Variants in SLC26A7 observed in about 807,000 individuals in gnomAD.
The protein encoded by SLC26A7 is solute carrier family 26 member 7.
A neutral mutation model predicts 82.5 loss-of-function variants in SLC26A7; 59 were observed. The ratio of observed to expected loss-of-function variants is 0.72; its 90% confidence interval spans 0.58 to 0.89. The LOEUF (loss-of-function observed/expected upper bound fraction) is 0.89. Ranked by LOEUF, SLC26A7 falls within the 40% of genes least tolerant of loss-of-function variation. The pLI is 0.00. For missense variants in SLC26A7, 820 were observed against 793.0 expected (o/e 1.03, Z -0.41); for synonymous variants, 271 against 274.3 (o/e 0.99, Z 0.12).
chr8:91,395,053 G>T lies in SLC26A7; in HGVS notation c.1936-9G>T, dbSNP rs1456616610. 10 of 1,613,050 alleles carry T rather than the reference G, an allele frequency of 6.2e-6. No individual in the cohort carries two copies. The East Asian group carries it at 1.8e-4, about 29-fold the overall frequency. On this transcript the variant is annotated splice_polypyrimidine_tract_variant and intron_variant, in intron 18 of 18. Transcript: ENST00000276609. ...TAGCACATACTTACTTCTTCCTCTG[G>T]TATTTCAGAATTTGAGCAAACTCAG...
chr8:91,267,217 G>A (rs1811137987), intron 2 of SLC26A7, among the ~76,000 whole-genome samples: 1 of 151,510 alleles, frequency 6.6e-6, no homozygotes, highest in African/African-American at 2.4e-5. Flanking sequence ...TCTTTTTGTT[G>A]TTGTTGTTGT....
intron 6 of SLC26A7, among the ~76,000 whole-genome samples, chr8:91,335,001 C>T (rs954727641): frequency 5.3e-5 from 8 of 152,054 alleles, no homozygotes; most frequent in African/African-American, 1.7e-4. Context: ...ACATTTTGCT[C>T]CTAAGGCTTG....
At position 91,338,233 on chromosome 8, in the gene SLC26A7, G is replaced by A. The variant is rs759501769; in HGVS notation, c.878+1G>A. The stretch of plus-strand genomic sequence containing the variant: ...AAGTAGTTGGTCATATTCCACAAGG[G>A]TAATGTAGTCCTTTTTAAAAACATA... On this transcript the variant is annotated splice_donor_variant, in intron 7 of 18. Coordinates refer to ENST00000276609, the MANE Select transcript of SLC26A7 (RefSeq NM_052832.4). LOFTEE classifies it high-confidence loss of function. 1.3e-6 allele frequency: 2 copies of A among 1,593,404 alleles called. No homozygotes were observed. Among genetic ancestry groups the A allele is most frequent in the Admixed American group, 1.8e-5 (1 of 56,342 alleles).
intron 15 of SLC26A7, among the ~76,000 whole-genome samples, chr8:91,379,224 A>G (rs77246546): frequency 0.012 from 1,793 of 152,216 alleles, 42 homozygotes; most frequent in African/African-American, 0.041. Flanking sequence ...AATACTTGAT[A>G]TCAAAAAGCA....
chr8:91,233,610 G>A (rs1031722868), intron 2 of SLC26A7, among the ~76,000 whole-genome samples: 4 of 151,758 alleles, frequency 2.6e-5, no homozygotes, highest in Non-Finnish European at 5.9e-5. Context: ...AAAAGAAAAA[G>A]AAAACGTAGG....
intron 9 of SLC26A7, among the ~76,000 whole-genome samples, chr8:91,345,889 G>T (rs74972926): frequency 0.028 from 4,296 of 152,166 alleles, 57 homozygotes; most frequent in African/African-American, 0.035. Flanking sequence ...AATAATTTGA[G>T]AAAGATTATA....
intron 5 of SLC26A7, among the ~76,000 whole-genome samples, chr8:91,319,902 T>C (rs6994713): frequency 1.3e-5 from 2 of 152,320 alleles, no homozygotes; most frequent in South Asian, 2.1e-4. Context: ...AGAATGACAT[T>C]GGTCTTTCAG....
At chr8:91,212,494 CATTT>C (rs1271505383) in intron 1 of SLC26A7, among the ~76,000 whole-genome samples, 1 of 152,142 alleles carries the variant, frequency 6.6e-6, no homozygotes, top group African/African-American at 2.4e-5. Context: ...TGAAAACGTT[CATTT>C]ACTTTATGAA....
At chr8:91,279,685 T>G (rs568520467) in intron 2 of SLC26A7, among the ~76,000 whole-genome samples, 3 of 152,028 alleles carry the variant, frequency 2.0e-5, no homozygotes, top group Non-Finnish European at 4.4e-5. Context: ...TCAGCCTCCC[T>G]AGTAGCTGGG....
At chr8:91,229,461 C>A (rs775092829) in intron 2 of SLC26A7, among the ~76,000 whole-genome samples, 102 of 152,170 alleles carry the variant, frequency 6.7e-4, no homozygotes, top group Non-Finnish European at 1.1e-3. Flanking sequence ...CACCCATATA[C>A]TCATCACCTA....
At chr8:91,268,839 G>A (rs1006005194) in intron 2 of SLC26A7, among the ~76,000 whole-genome samples, 9 of 150,820 alleles carry the variant, frequency 6.0e-5, no homozygotes, top group African/African-American at 2.2e-4. Context: ...TATTTTTAGT[G>A]TATCCATTAT....
intron 2 of SLC26A7, among the ~76,000 whole-genome samples, chr8:91,286,602 G>A (rs113443959): frequency 1.2e-4 from 18 of 152,080 alleles, no homozygotes; most frequent in Non-Finnish European, 2.4e-4. Context: ...AGTATCTGTC[G>A]GCATTTGCAA....
intron 2 of SLC26A7, among the ~76,000 whole-genome samples, chr8:91,242,015 A>G (rs1437765947): frequency 6.6e-6 from 1 of 152,160 alleles, no homozygotes; most frequent in Non-Finnish European, 1.5e-5. Context: ...TATTTTTTAG[A>G]CTTATCCCTT....
intron 2 of SLC26A7, among the ~76,000 whole-genome samples, chr8:91,262,025 C>T (rs754413370): frequency 2.3e-4 from 35 of 152,052 alleles, no homozygotes; most frequent in Non-Finnish European, 4.9e-4. Context: ...GTATCCTCTT[C>T]AGAGTGTTCA....
chr8:91,274,770 T>C (rs2130740589), intron 2 of SLC26A7, among the ~76,000 whole-genome samples: 1 of 152,350 alleles, frequency 6.6e-6, no homozygotes, highest in South Asian at 2.1e-4. Context: ...AAGTGCTTAA[T>C]TCTAGACACT....
At chr8:91,210,129 T>A (rs1809882117) in intron 1 of SLC26A7, among the ~76,000 whole-genome samples, 1 of 152,226 alleles carries the variant, frequency 6.6e-6, no homozygotes, top group Non-Finnish European at 1.5e-5. Flanking sequence ...GGGTGACATT[T>A]AAGTAATAGA....
rs1330182965 is a variant in SLC26A7 at position 91,386,511 on chromosome 8, T to C, written c.1676-2827T>C. 7.9e-5 allele frequency among the ~76,000 whole-genome samples: 12 copies of C among 152,316 alleles called. No homozygotes were observed. In the East Asian group the frequency reaches 2.3e-3, roughly 29 times the overall value. ...AATTTGACATCAATTTGTGTCATCATTGTTATTTTAAGATGTATTGTCAAA... is the reference window on the plus strand; with the variant it reads ...AATTTGACATCAATTTGTGTCATCACTGTTATTTTAAGATGTATTGTCAAA... On this transcript the variant is annotated intron_variant, in intron 15 of 18. Transcript: ENST00000276609.
chr8:91,366,432 G>GATAGTAC, intron 13 of SLC26A7, 148 bp from the exon 14 acceptor site: 1 of 777,326 alleles, frequency 1.3e-6, no homozygotes, highest in Non-Finnish European at 2.0e-6. Context: ...AAGGAAGTGT[G>GATAGTAC]ATAGTACATT....
intron 2 of SLC26A7, among the ~76,000 whole-genome samples, chr8:91,224,307 A>G (rs547160309): frequency 6.6e-6 from 1 of 152,080 alleles, no homozygotes; most frequent in East Asian, 1.9e-4. Context: ...TCTCATCTTC[A>G]TGAGTTTGTC....
Sources: allele counts gnomAD v4.1 joint callset (sites outside exome capture counted in the v4.1 genomes callset), GRCh38; gene constraint gnomAD v4.1.1; transcripts MANE v1.5; gene names NCBI Gene and HGNC (gene_info 2026-07-23, HGNC 2026-07-21).